NKAIN2: variants seen among roughly 807,000 people sequenced by gnomAD.
The protein encoded by NKAIN2 is sodium/potassium-transporting ATPase subunit beta-1-interacting protein 2.
Under a neutral mutation model 32.6 loss-of-function variants are expected in NKAIN2, and 14 were observed. That is an observed-to-expected ratio of 0.43 (90% CI 0.28 to 0.67). The LOEUF (loss-of-function observed/expected upper bound fraction) is 0.67. NKAIN2 is among the 30% of genes least tolerant of loss of function. NKAIN2 has a pLI of 0.17. For missense variants in NKAIN2, 198 were observed against 258.3 expected (o/e 0.77, Z 1.60); for synonymous variants, 80 against 87.2 (o/e 0.92, Z 0.46).
chr6:124,367,774 A>G (rs912745239), intron 3 of NKAIN2, among the ~76,000 whole-genome samples: 1 of 152,140 alleles, frequency 6.6e-6, no homozygotes, highest in Admixed American at 6.6e-5. Context: ...ATAATTGCGC[A>G]TAAACAAATT....
At chr6:124,547,997 G>A (rs535313642) in intron 3 of NKAIN2, among the ~76,000 whole-genome samples, 49 of 152,094 alleles carry the variant, frequency 3.2e-4, no homozygotes, top group African/African-American at 7.2e-4. Context: ...AATATGTCTC[G>A]GATTCAGTAT....
intron 3 of NKAIN2, among the ~76,000 whole-genome samples, chr6:124,583,894 A>C (rs1490222167): frequency 6.6e-6 from 1 of 152,234 alleles, no homozygotes; most frequent in African/African-American, 2.4e-5. Flanking sequence ...CATTGAAGAA[A>C]GGACAGTGTC....
chr6:124,598,279 C>T (rs1782171979), intron 3 of NKAIN2, among the ~76,000 whole-genome samples: 1 of 152,134 alleles, frequency 6.6e-6, no homozygotes, highest in South Asian at 2.1e-4. Flanking sequence ...CTTTCTCTCT[C>T]ATAAGGGATC....
At chr6:124,407,558 G>A (rs1299336420) in intron 3 of NKAIN2, among the ~76,000 whole-genome samples, 1 of 152,068 alleles carries the variant, frequency 6.6e-6, no homozygotes, top group Non-Finnish European at 1.5e-5. Flanking sequence ...GTATTCCATG[G>A]TGTATATGTG....
intron 3 of NKAIN2, among the ~76,000 whole-genome samples, chr6:124,367,999 C>T (rs10872285): frequency 0.18 from 27,671 of 151,968 alleles, 2,955 homozygotes; most frequent in Admixed American, 0.28. Flanking sequence ...ATACCCAGAG[C>T]TCTAAGGAAA....
chr6:124,706,780 C>G (rs1171676671), intron 4 of NKAIN2, among the ~76,000 whole-genome samples: 1 of 152,096 alleles, frequency 6.6e-6, no homozygotes, highest in Non-Finnish European at 1.5e-5. Context: ...AACTGAAAAA[C>G]TAAAATAAAA....
At chr6:124,468,290 T>A (rs1776841328) in intron 3 of NKAIN2, among the ~76,000 whole-genome samples, 1 of 152,144 alleles carries the variant, frequency 6.6e-6, no homozygotes, top group East Asian at 1.9e-4. Flanking sequence ...CCCAGGTCCG[T>A]TAAAATGTCA....
chr6:124,441,178 T>C (rs992701116), intron 3 of NKAIN2, among the ~76,000 whole-genome samples: 1 of 152,050 alleles, frequency 6.6e-6, no homozygotes, highest in African/African-American at 2.4e-5. Flanking sequence ...GATAAGTCAG[T>C]TTTTATAATA....
chr6:124,662,760 C>G (rs1303407754), intron 4 of NKAIN2, among the ~76,000 whole-genome samples: 1 of 152,182 alleles, frequency 6.6e-6, no homozygotes, highest in Non-Finnish European at 1.5e-5. Flanking sequence ...TTGGATGTAG[C>G]TGATATGTAT....
intron 4 of NKAIN2, among the ~76,000 whole-genome samples, chr6:124,775,094 T>C (rs575137472): frequency 2.5e-4 from 38 of 152,292 alleles, no homozygotes; most frequent in Non-Finnish European, 4.1e-4. Context: ...CAGTCAATAT[T>C]TGATAATCAA....
intron 2 of NKAIN2, among the ~76,000 whole-genome samples, chr6:124,316,238 G>A (rs1796943907): frequency 6.6e-6 from 1 of 151,988 alleles, no homozygotes; most frequent in African/African-American, 2.4e-5. Flanking sequence ...AATATCACAT[G>A]TATCCCATAA....
At chr6:124,549,859 G>A (rs1484569051) in intron 3 of NKAIN2, among the ~76,000 whole-genome samples, 1 of 152,170 alleles carries the variant, frequency 6.6e-6, no homozygotes, top group Non-Finnish European at 1.5e-5. Flanking sequence ...ATGTGGCATT[G>A]AAATGAATTC....
chr6:124,634,805 A>G, intron 3 of NKAIN2, among the ~76,000 whole-genome samples: 1 of 152,038 alleles, frequency 6.6e-6, no homozygotes, highest in East Asian at 1.9e-4. Flanking sequence ...AATTCTCAAA[A>G]GCCAAAGAGA....
At chr6:124,659,759 G>T (rs1189369326) in intron 4 of NKAIN2, among the ~76,000 whole-genome samples, 1 of 151,902 alleles carries the variant, frequency 6.6e-6, no homozygotes, top group Non-Finnish European at 1.5e-5. Context: ...TGGGAGGAAG[G>T]CTCATTGTTC....
intron 3 of NKAIN2, among the ~76,000 whole-genome samples, chr6:124,494,233 C>G (rs1057484515): frequency 6.6e-6 from 1 of 152,064 alleles, no homozygotes; most frequent in African/African-American, 2.4e-5. Context: ...TTATGAAAGT[C>G]TTTCACATAG....
intron 4 of NKAIN2, among the ~76,000 whole-genome samples, chr6:124,732,245 T>A (rs1776717904): frequency 6.6e-6 from 1 of 152,064 alleles, no homozygotes; most frequent in African/African-American, 2.4e-5. Context: ...CTAGTTTATT[T>A]CTGGGGATTG....
intron 3 of NKAIN2, among the ~76,000 whole-genome samples, chr6:124,374,768 C>T (rs1799910094): frequency 6.6e-6 from 1 of 152,000 alleles, no homozygotes. Flanking sequence ...AATATAACAA[C>T]CTAACTATCC....
At chr6:123,852,357 A>G (rs1445171403) in intron 1 of NKAIN2, among the ~76,000 whole-genome samples, 1 of 152,002 alleles carries the variant, frequency 6.6e-6, no homozygotes, top group Non-Finnish European at 1.5e-5. Context: ...GCTATTGACT[A>G]TTGCACCTCT....
At chr6:124,655,037 C>A (rs1427801771) in intron 3 of NKAIN2, among the ~76,000 whole-genome samples, 1 of 152,020 alleles carries the variant, frequency 6.6e-6, no homozygotes, top group East Asian at 1.9e-4. Context: ...TCTGTTAAAT[C>A]CAGCATAATT....
Sources: gnomAD v4.1 joint callset for allele counts (sites outside exome capture counted in the v4.1 genomes callset) on GRCh38, gnomAD v4.1.1 for gene constraint, MANE v1.5 for transcripts, NCBI Gene and HGNC (gene_info 2026-07-23, HGNC 2026-07-21) for gene names.